NDEL1: variants seen among roughly 807,000 people sequenced by gnomAD.
The protein encoded by NDEL1 is nudE neurodevelopment protein 1 like 1, also known as nuclear distribution protein nudE-like 1.
In NDEL1, 9 loss-of-function variants were observed where a neutral mutation model predicts 45.7. That is an observed-to-expected ratio of 0.20 (90% CI 0.12 to 0.34). NDEL1 has a LOEUF of 0.34. NDEL1 is among the 10% of genes least tolerant of loss of function. The pLI is 1.00. For synonymous variants in NDEL1, 133 were observed against 158.6 expected (o/e 0.84, Z 1.21); for missense variants, 306 against 406.2 (o/e 0.75, Z 2.12).
At chr17:8,422,660 A>G (rs1908731778) in intron 1 of NDEL1, among the ~76,000 whole-genome samples, 1 of 152,234 alleles carries the variant, frequency 6.6e-6, no homozygotes, top group African/African-American at 2.4e-5. Context: ...CTGAGTGAAG[A>G]AGTCCCGTCG....
chr17:8,430,679 GC>G (rs1221234497), intron 1 of NDEL1, among the ~76,000 whole-genome samples: 2 of 152,186 alleles, frequency 1.3e-5, no homozygotes, highest in African/African-American at 4.8e-5. Flanking sequence ...TGGGACCCAT[GC>G]CTCGGCAAAC....
chr17:8,424,882 T>A (rs965017558), intron 1 of NDEL1, among the ~76,000 whole-genome samples: 4 of 152,196 alleles, frequency 2.6e-5, no homozygotes, highest in Admixed American at 2.6e-4. Context: ...TTGCTCAGGC[T>A]GGTCTTGAAC....
intron 7 of NDEL1, 144 bp from the exon 8 acceptor site, chr17:8,459,864 AG>A: frequency 1.3e-6 from 1 of 776,308 alleles, no homozygotes; most frequent in Non-Finnish European, 2.0e-6. Context: ...TTTATTAGAA[AG>A]TTGATTGATT....
intron 1 of NDEL1, among the ~76,000 whole-genome samples, chr17:8,430,677 A>G (rs1908978599): frequency 6.6e-6 from 1 of 152,202 alleles, no homozygotes; most frequent in Non-Finnish European, 1.5e-5. Flanking sequence ...ACTGGGACCC[A>G]TGCCTCGGCA....
At chr17:8,421,335 G>T (rs974647427) in intron 1 of NDEL1, among the ~76,000 whole-genome samples, 1 of 152,194 alleles carries the variant, frequency 6.6e-6, no homozygotes, top group African/African-American at 2.4e-5. Flanking sequence ...GGACTTTGCA[G>T]ACATGATTAA....
intron 4 of NDEL1, among the ~76,000 whole-genome samples, chr17:8,447,985 G>A (rs567401784): frequency 1.3e-5 from 2 of 149,432 alleles, no homozygotes; most frequent in Non-Finnish European, 3.0e-5. Context: ...AGGTGGGCGG[G>A]GGGGGGGCAG....
At chr17:8,454,512 C>T (rs940718453) in intron 6 of NDEL1, among the ~76,000 whole-genome samples, 2 of 152,132 alleles carry the variant, frequency 1.3e-5, no homozygotes, top group African/African-American at 4.8e-5. Flanking sequence ...TGTTCTGACC[C>T]AGCAGTTCTA....
chr17:8,468,343 C>T (rs1911738882), downstream of NDEL1, among the ~76,000 whole-genome samples: 1 of 152,218 alleles, frequency 6.6e-6, no homozygotes, highest in Non-Finnish European at 1.5e-5. Flanking sequence ...TGTTTCTTGG[C>T]ACTGGCTTCT....
At chr17:8,428,865 G>T (rs548471393) in intron 1 of NDEL1, among the ~76,000 whole-genome samples, 3 of 151,224 alleles carry the variant, frequency 2.0e-5, no homozygotes, top group East Asian at 3.9e-4. Flanking sequence ...AGTAGAGACG[G>T]GGTTTCACCG....
intron 1 of NDEL1, among the ~76,000 whole-genome samples, chr17:8,428,968 C>T (rs1202252188): frequency 2.6e-5 from 4 of 152,156 alleles, no homozygotes; most frequent in South Asian, 2.1e-4. Flanking sequence ...CCACCGCGCC[C>T]GGCCTATTTT....
At chr17:8,424,863 C>T (rs1349227106) in intron 1 of NDEL1, among the ~76,000 whole-genome samples, 1 of 152,132 alleles carries the variant, frequency 6.6e-6, no homozygotes, top group Non-Finnish European at 1.5e-5. Flanking sequence ...GAGACGGGCT[C>T]TCACTGTCTT....
intron 1 of NDEL1, among the ~76,000 whole-genome samples, chr17:8,429,280 G>A (rs937479): frequency 0.3 from 45,572 of 152,022 alleles, 7,112 homozygotes; most frequent in Admixed American, 0.38. Flanking sequence ...TTTCACTTTC[G>A]TTGAAGCATA....
At chr17:8,469,850 A>AT (rs1470384639), downstream of NDEL1, among the ~76,000 whole-genome samples, 1 of 142,806 alleles carries the variant, frequency 7.0e-6, no homozygotes, top group African/African-American at 2.6e-5. Context: ...GCCCGCCGCC[A>AT]TGCCTGGCTA....
chr17:8,432,337 A>AT (rs376104492), upstream of NDEL1, among the ~76,000 whole-genome samples: 2 of 42,366 alleles, frequency 4.7e-5, no homozygotes, highest in Admixed American at 9.9e-4. Context: ...AAATATATAT[A>AT]TTATATATAA....
intron 1 of NDEL1, among the ~76,000 whole-genome samples, chr17:8,436,971 T>G (rs1445023910): frequency 6.6e-6 from 1 of 152,132 alleles, no homozygotes; most frequent in Non-Finnish European, 1.5e-5. Flanking sequence ...CCTTCTCAGC[T>G]ACAAAACAAG....
downstream of NDEL1, among the ~76,000 whole-genome samples, chr17:8,471,902 G>A (rs997839617): frequency 3.9e-5 from 6 of 152,154 alleles, no homozygotes; most frequent in African/African-American, 7.2e-5. Context: ...TGTTGTCCCC[G>A]AAAGGTGGAA....
chr17:8,442,813 G>A (rs1443725709), intron 1 of NDEL1, among the ~76,000 whole-genome samples: 3 of 133,114 alleles, frequency 2.3e-5, no homozygotes, highest in South Asian at 2.3e-4. Context: ...ATTTTTAGAC[G>A]GAGTCTCGCT....
chr17:8,428,877 G>C (rs922354159), intron 1 of NDEL1, among the ~76,000 whole-genome samples: 3 of 150,660 alleles, frequency 2.0e-5, no homozygotes, highest in Non-Finnish European at 4.4e-5. Flanking sequence ...GTTTCACCGT[G>C]TTAGCCAAGA....
At chr17:8,440,112 A>G (rs964655048) in intron 1 of NDEL1, among the ~76,000 whole-genome samples, 7 of 152,210 alleles carry the variant, frequency 4.6e-5, no homozygotes, top group Admixed American at 6.5e-5. Context: ...AGTAAATGAT[A>G]TCCAACATAG....
Sources: allele counts gnomAD v4.1 joint callset (sites outside exome capture counted in the v4.1 genomes callset), GRCh38; gene constraint gnomAD v4.1.1; transcripts MANE v1.5; gene names NCBI Gene and HGNC (gene_info 2026-07-23, HGNC 2026-07-21).